Variants in KANK1 observed in about 807,000 individuals in gnomAD.
The protein encoded by KANK1 is KN motif and ankyrin repeat domain-containing protein 1.
KANK1 carries 109 observed loss-of-function variants against 106.2 expected under a neutral mutation model. The observed-to-expected ratio is 1.03, with a 90% CI of 0.88 to 1.20. The LOEUF is 1.20. Ranked by LOEUF, KANK1 falls within the 50% of genes most tolerant of loss-of-function variation. The pLI, the probability that KANK1 is intolerant of heterozygous loss-of-function variation, is 0.00. For missense variants in KANK1, 2,399 were observed against 1,710.7 expected (o/e 1.40, Z -7.10); for synonymous variants, 873 against 652.2 (o/e 1.34, Z -5.16).
chr9:637,886 T>A (rs78948970), intron 1 of KANK1, among the ~76,000 whole-genome samples: 7,734 of 152,134 alleles, frequency 0.051, 549 homozygotes, highest in East Asian at 0.22. Context: ...CAAAAGCAGC[T>A]TTTGGGGTTG....
chr9:710,438 T>C (rs1005737521), intron 2 of KANK1, among the ~76,000 whole-genome samples: 1 of 151,754 alleles, frequency 6.6e-6, no homozygotes. Context: ...GCCAACATGG[T>C]GAAACCCTGT....
At chr9:671,609 C>T (rs1372379446) in intron 1 of KANK1, among the ~76,000 whole-genome samples, 1 of 33,070 alleles carries the variant, frequency 3.0e-5, no homozygotes, top group Non-Finnish European at 4.9e-5. Flanking sequence ...GAGCGAAACT[C>T]CGTCTCAAAA....
At chr9:706,373 G>T (rs1824160742) in intron 2 of KANK1, among the ~76,000 whole-genome samples, 1 of 152,144 alleles carries the variant, frequency 6.6e-6, no homozygotes, top group South Asian at 2.1e-4. Flanking sequence ...GGACCAGTTA[G>T]GTTTTGGTAA....
intron 1 of KANK1, chr9:558,768 C>T (rs992279690): frequency 1.9e-4 from 29 of 151,642 alleles, no homozygotes; most frequent in African/African-American, 5.3e-4. Flanking sequence ...AGAGTGTAGG[C>T]TGGTTTTTTG....
chr9:615,470 A>G (rs1025799960), intron 1 of KANK1, among the ~76,000 whole-genome samples: 1 of 152,098 alleles, frequency 6.6e-6, no homozygotes, highest in Non-Finnish European at 1.5e-5. Flanking sequence ...TTTTAAAATT[A>G]TGCTAGTTAA....
intron 1 of KANK1, among the ~76,000 whole-genome samples, chr9:604,500 G>C (rs996869964): frequency 6.6e-6 from 1 of 151,772 alleles, no homozygotes; most frequent in African/African-American, 2.4e-5. Context: ...GTCATGTGAA[G>C]AAGAGGTCCT....
chr9:500,159 T>C (rs2058526225), upstream of KANK1, among the ~76,000 whole-genome samples: 1 of 152,106 alleles, frequency 6.6e-6, no homozygotes, highest in Non-Finnish European at 1.5e-5. Context: ...CATGCTAGAG[T>C]AGCATATTTT....
rs779438413 is a variant in KANK1, at chr9:745,412, C to G, written c.*177C>G. ...TGCAGAGACTGCTAGCCTGGGCACA[C>G]ACACCTCCTTTCTGGCCGTCTTCTG... On this transcript the variant is annotated 3_prime_UTR_variant, in exon 12 of 12. Coordinates refer to ENST00000382297, the MANE Select transcript of KANK1 (RefSeq NM_015158.5). 1.1e-5 allele frequency: 8 copies of G among 696,218 alleles called. No individual in the cohort carries two copies. Among genetic ancestry groups the G allele is most frequent in the Non-Finnish European group, 1.9e-5 (8 of 416,298 alleles). The allele number at this position is 696,218 out of a possible 1,614,324, so 43.1% of individuals were successfully genotyped here.
At chr9:519,422 G>A (rs1280101535) in intron 1 of KANK1, among the ~76,000 whole-genome samples, 1 of 151,538 alleles carries the variant, frequency 6.6e-6, no homozygotes, top group Non-Finnish European at 1.5e-5. Context: ...GTAGCTATGA[G>A]AGGAGTCTTA....
rs184460139 is a variant in KANK1, at chr9:562,274, G to C, written c.-84+57520G>C. The stretch of plus-strand genomic sequence containing the variant: ...TCACCTTGTTAGCCAGGATGGTCTC[G>C]ATCTCCTGACCTCATGATCCACCCG... On this transcript the variant is annotated intron_variant, in intron 1 of 11. Transcript: ENST00000382297. 7.9e-3 allele frequency among the ~76,000 whole-genome samples: 1,198 copies of C among 151,054 alleles called. 28 individuals are homozygous for C. The highest frequency in any genetic ancestry group is 0.028 in the African/African-American group (1,140 of 41,132).
intron 2 of KANK1, among the ~76,000 whole-genome samples, chr9:678,526 C>G (rs1431446325): frequency 6.6e-6 from 1 of 152,000 alleles, no homozygotes; most frequent in Admixed American, 6.6e-5. Context: ...GTCGGTAGTT[C>G]AAGACCAGCC....
chr9:738,488 G>C lies in KANK1; in HGVS notation c.3537G>C (p.Lys1179Asn). 6.2e-7 allele frequency: 1 copy of C among 1,614,000 alleles called. No individual in the cohort carries two copies. The highest frequency in any genetic ancestry group is 1.1e-5 in the South Asian group (1 of 91,074). Residue 1179 changes from lysine to asparagine, a missense_variant, in exon 8 of 12, where the codon AAG (lysine) becomes AAC (asparagine). Transcript: ENST00000382297. ...SVSHSNFEIV[K>N]LLLDADVCNV... ...CCCACTCCAACTTCGAGATTGTGAA[G>C]CTGCTGTTAGATGCCGGTATGTTGG...
chr9:708,636 GTTC>G (rs1484807641), intron 2 of KANK1, among the ~76,000 whole-genome samples: 9 of 152,176 alleles, frequency 5.9e-5, no homozygotes, highest in African/African-American at 2.2e-4. Flanking sequence ...AAGCAGAAGT[GTTC>G]TTCACAGCAT....
intron 1 of KANK1, among the ~76,000 whole-genome samples, chr9:672,649 C>A (rs1815450415): frequency 6.6e-6 from 1 of 152,074 alleles, no homozygotes; most frequent in East Asian, 1.9e-4. Flanking sequence ...TATCTAACTA[C>A]TTGTTTGCAT....
intron 1 of KANK1, among the ~76,000 whole-genome samples, chr9:582,699 A>G (rs1285196744): frequency 1.3e-5 from 2 of 152,210 alleles, no homozygotes; most frequent in Non-Finnish European, 2.9e-5. Flanking sequence ...GCTTGCACAC[A>G]ACTTTAATAA....
intron 1 of KANK1, among the ~76,000 whole-genome samples, chr9:632,357 AG>A (rs1476566318): frequency 1.3e-5 from 2 of 152,178 alleles, no homozygotes; most frequent in African/African-American, 4.8e-5. Context: ...CTAAGAGAAG[AG>A]GTTAAAGGAA....
chr9:662,724 C>T (rs145020471), intron 1 of KANK1, among the ~76,000 whole-genome samples: 8,046 of 149,116 alleles, frequency 0.054, 237 homozygotes, highest in African/African-American at 0.068. Flanking sequence ...TGCAGTGGCG[C>T]GATCTCAGCT....
At position 738,640 on chromosome 9, in the gene KANK1, G is replaced by A. The variant is rs540601883; in HGVS notation, c.3553+136G>A. 19 of 694,322 alleles carry A rather than the reference G, an allele frequency of 2.7e-5. No individual in the cohort carries two copies. The African/African-American group carries it at 3.0e-4, about 11-fold the overall frequency. 43.0% of individuals were successfully genotyped at this position (694,322 alleles called of 1,614,324 possible). ...TTTTATTGCTTTTCCACATGACATGGCAAGAATTTTCTTGAGTCATTCATA... is the reference window on the plus strand; with the variant it reads ...TTTTATTGCTTTTCCACATGACATGACAAGAATTTTCTTGAGTCATTCATA... On this transcript the variant is annotated intron_variant, in intron 8 of 11. Transcript: ENST00000382297.
intron 1 of KANK1, among the ~76,000 whole-genome samples, chr9:621,170 G>T (rs1833057688): frequency 6.6e-6 from 1 of 151,922 alleles, no homozygotes; most frequent in Admixed American, 6.5e-5. Context: ...TTTTTCTTTG[G>T]GGCCTCACCT....
Sources: allele counts gnomAD v4.1 joint callset (sites outside exome capture counted in the v4.1 genomes callset), GRCh38; gene constraint gnomAD v4.1.1; transcripts MANE v1.5; gene names NCBI Gene and HGNC (gene_info 2026-07-23, HGNC 2026-07-21).